Variants in XKR4 observed in about 807,000 individuals in gnomAD.
The protein encoded by XKR4 is XK related 4.
Under a neutral mutation model 53.9 loss-of-function variants are expected in XKR4, and 12 were observed. That is an observed-to-expected ratio of 0.22 (90% confidence interval 0.14 to 0.36). The LOEUF (loss-of-function observed/expected upper bound fraction) is 0.36. XKR4 is among the 10% of genes least tolerant of loss of function. The pLI is 1.00. For synonymous variants in XKR4, 354 were observed against 362.4 expected (o/e 0.98, Z 0.26); for missense variants, 799 against 859.5 (o/e 0.93, Z 0.88).
intron 2 of XKR4, 149 bp downstream of exon 2, chr8:55,358,026 G>A: frequency 1.2e-6 from 1 of 811,464 alleles, no homozygotes; most frequent in Non-Finnish European, 1.9e-6. Flanking sequence ...GATGCATGAT[G>A]TTTTCCTACC....
At chr8:55,121,598 G>T (rs766470794) in intron 1 of XKR4, among the ~76,000 whole-genome samples, 7 of 152,040 alleles carry the variant, frequency 4.6e-5, no homozygotes, top group Non-Finnish European at 1.0e-4. Context: ...TAGTGATTAG[G>T]TAGTTCTGTG....
intron 2 of XKR4, among the ~76,000 whole-genome samples, chr8:55,387,154 A>G (rs80185735): frequency 0.013 from 2,043 of 152,248 alleles, 19 homozygotes; most frequent in Middle Eastern, 0.027. Flanking sequence ...TTTTGACAAC[A>G]CCCTGTGCAT....
At chr8:55,153,176 T>C (rs555034149) in intron 1 of XKR4, among the ~76,000 whole-genome samples, 1 of 152,212 alleles carries the variant, frequency 6.6e-6, no homozygotes, top group African/African-American at 2.4e-5. Flanking sequence ...GTGACCTTTT[T>C]TGAGGGCCTC....
In XKR4 at chr8:55,454,755, C is replaced by T. The variant is rs556146278; in HGVS notation, c.1007-68526C>T. ...TGAACACCTCCGCATGGTCAAGTCGCGACACAGGTACCAGCGTCTTTGGGG... is the reference window on the plus strand; with the variant it reads ...TGAACACCTCCGCATGGTCAAGTCGTGACACAGGTACCAGCGTCTTTGGGG... On this transcript the variant is annotated intron_variant, in intron 2 of 2. Coordinates refer to ENST00000327381, the MANE Select transcript of XKR4 (RefSeq NM_052898.2). 124 of 783,598 alleles carry T rather than the reference C, an allele frequency of 1.6e-4. No individual in the cohort carries two copies. In the African/African-American group the frequency reaches 1.8e-3, roughly 12 times the overall value. 48.5% of individuals were successfully genotyped at this position (783,598 alleles called of 1,614,324 possible). A position where few individuals can be genotyped will look rare whatever the true frequency, so the allele number is the denominator to read the frequency against.
At chr8:55,275,517 A>G (rs1818751706) in intron 1 of XKR4, among the ~76,000 whole-genome samples, 1 of 152,192 alleles carries the variant, frequency 6.6e-6, no homozygotes, top group Non-Finnish European at 1.5e-5. Context: ...TAATTAAGCT[A>G]GAGAATATCA....
At chr8:55,482,312 C>T (rs1052862885) in intron 2 of XKR4, among the ~76,000 whole-genome samples, 3 of 151,974 alleles carry the variant, frequency 2.0e-5, no homozygotes, top group Admixed American at 6.6e-5. Flanking sequence ...AACCAAACAC[C>T]GTATGTTCTC....
chr8:55,305,463 A>C (rs1819282012), intron 1 of XKR4, among the ~76,000 whole-genome samples: 1 of 152,150 alleles, frequency 6.6e-6, no homozygotes, highest in Non-Finnish European at 1.5e-5. Context: ...TAGCCTAAAA[A>C]GGTCAAGCTT....
At chr8:55,214,852 C>A (rs1384198941) in intron 1 of XKR4, among the ~76,000 whole-genome samples, 2 of 152,060 alleles carry the variant, frequency 1.3e-5, no homozygotes, top group African/African-American at 4.8e-5. Context: ...AACAAAGCAT[C>A]ATTTTTTTAT....
At chr8:55,433,902 C>T (rs564049201) in intron 2 of XKR4, among the ~76,000 whole-genome samples, 2 of 152,224 alleles carry the variant, frequency 1.3e-5, no homozygotes, top group African/African-American at 4.8e-5. Context: ...GCGTGGCACA[C>T]AGGCTTGTAG....
intron 1 of XKR4, among the ~76,000 whole-genome samples, chr8:55,254,087 A>G (rs1488489749): frequency 2.6e-5 from 4 of 151,776 alleles, no homozygotes; most frequent in African/African-American, 9.7e-5. Context: ...TTTTCTCTTC[A>G]ACAAATGAGA....
At chr8:55,462,751 A>ACG (rs1404879914) in intron 2 of XKR4, among the ~76,000 whole-genome samples, 6 of 152,210 alleles carry the variant, frequency 3.9e-5, no homozygotes, top group African/African-American at 1.4e-4. Context: ...AGAGACACAC[A>ACG]TAGGCTCAAA....
intron 1 of XKR4, among the ~76,000 whole-genome samples, chr8:55,188,389 A>G (rs1344758322): frequency 6.6e-6 from 1 of 152,184 alleles, no homozygotes; most frequent in East Asian, 1.9e-4. Flanking sequence ...AGACAAAACA[A>G]CCTCTCAACT....
intron 1 of XKR4, among the ~76,000 whole-genome samples, chr8:55,196,175 CTTTTTTTTTT>C (rs1032613430): frequency 7.9e-6 from 1 of 125,946 alleles, no homozygotes; most frequent in Non-Finnish European, 1.6e-5. Flanking sequence ...GTTGTGCTTC[CTTTTTTTTTT>C]TTTTTTTTTT....
chr8:55,341,021 T>C (rs1532899), intron 1 of XKR4, among the ~76,000 whole-genome samples: 101,478 of 151,988 alleles, frequency 0.67, 34,967 homozygotes, highest in Non-Finnish European at 0.77. Context: ...ATGGAACTCA[T>C]GTAATACCAA....
At chr8:55,228,048 G>A (rs1038283551) in intron 1 of XKR4, among the ~76,000 whole-genome samples, 10 of 152,030 alleles carry the variant, frequency 6.6e-5, no homozygotes, top group African/African-American at 1.4e-4. Context: ...CTGGGATTAC[G>A]GACACGCACC....
intron 2 of XKR4, among the ~76,000 whole-genome samples, chr8:55,458,121 A>G (rs1200873629): frequency 6.6e-6 from 1 of 152,228 alleles, no homozygotes; most frequent in East Asian, 1.9e-4. Flanking sequence ...ATAGACATAG[A>G]CAAGCCAATC....
chr8:55,408,284 TCCAATAGGAATGTTGCCCAGAGTTTGC>T (rs1472780848), intron 2 of XKR4, among the ~76,000 whole-genome samples: 1 of 152,208 alleles, frequency 6.6e-6, no homozygotes, highest in Non-Finnish European at 1.5e-5. Context: ...TGATTTTTCT[TCCAATAGGAATGTTGCCCAGAGTTTGC>T]CCAAATTTAC....
intron 1 of XKR4, among the ~76,000 whole-genome samples, chr8:55,354,203 G>A (rs193236473): frequency 6.6e-6 from 1 of 152,310 alleles, no homozygotes; most frequent in African/African-American, 2.4e-5. Flanking sequence ...TCCCTGAGAA[G>A]TGCCCTGAAC....
At chr8:55,210,833 G>C (rs527516824) in intron 1 of XKR4, among the ~76,000 whole-genome samples, 1 of 152,254 alleles carries the variant, frequency 6.6e-6, no homozygotes, top group South Asian at 2.1e-4. Context: ...CAGGGGGCAG[G>C]GTGTCTCATT....
Sources: allele counts gnomAD v4.1 joint callset (sites outside exome capture counted in the v4.1 genomes callset), GRCh38; gene constraint gnomAD v4.1.1; transcripts MANE v1.5; gene names NCBI Gene and HGNC (gene_info 2026-07-23, HGNC 2026-07-21).